The following GNAQ variants were observed in gnomAD, a reference collection of about 807,000 sequenced individuals.
GNAQ encodes the protein guanine nucleotide-binding protein G(q) subunit alpha.
Under a neutral mutation model 43.9 loss-of-function variants are expected in GNAQ, and 8 were observed. That is an observed-to-expected ratio of 0.18 (90% CI 0.11 to 0.33). The LOEUF is 0.33. Among genes scored for constraint, GNAQ ranks in the 10% least tolerant of loss-of-function variants. GNAQ has a pLI of 1.00. For synonymous variants in GNAQ, 155 were observed against 170.7 expected (o/e 0.91, Z 0.71); for missense variants, 158 against 450.8 (o/e 0.35, Z 5.88).
chr9:77,733,050 G>T (rs1825520433), intron 5 of GNAQ, among the ~76,000 whole-genome samples: 1 of 152,180 alleles, frequency 6.6e-6, no homozygotes, highest in Non-Finnish European at 1.5e-5. Flanking sequence ...ACACTGATAG[G>T]TAAGTCATTC....
intron 2 of GNAQ, among the ~76,000 whole-genome samples, chr9:77,908,414 T>C (rs180835758): frequency 1.3e-5 from 2 of 152,316 alleles, no homozygotes; most frequent in African/African-American, 4.8e-5. Flanking sequence ...GCCTCTTGTA[T>C]GTCTTTAAAC....
intron 2 of GNAQ, among the ~76,000 whole-genome samples, chr9:77,826,845 A>G (rs571536175): frequency 6.6e-6 from 1 of 152,346 alleles, no homozygotes; most frequent in East Asian, 1.9e-4. Context: ...TACTTCAGAT[A>G]TGACTCAGGA....
chr9:77,930,754 C>T (rs2118304879), intron 1 of GNAQ, among the ~76,000 whole-genome samples: 1 of 152,108 alleles, frequency 6.6e-6, no homozygotes, highest in Middle Eastern at 3.4e-3. Context: ...TTTTTCATAT[C>T]CTCTAATGTG....
At chr9:77,922,772 A>C (rs1829016940) in intron 1 of GNAQ, among the ~76,000 whole-genome samples, 1 of 152,324 alleles carries the variant, frequency 6.6e-6, no homozygotes, top group South Asian at 2.1e-4. Context: ...GTGTACTTAC[A>C]CAAACGGTAT....
At chr9:77,821,728 T>TGG (rs1564120931) in intron 2 of GNAQ, among the ~76,000 whole-genome samples, 2 of 143,016 alleles carry the variant, frequency 1.4e-5, no homozygotes, top group African/African-American at 5.5e-5. Flanking sequence ...AGTATGGGTG[T>TGG]GTGTGTGTGT....
chr9:77,915,019 A>G (rs1828874476), intron 2 of GNAQ, among the ~76,000 whole-genome samples: 1 of 152,204 alleles, frequency 6.6e-6, no homozygotes, highest in South Asian at 2.1e-4. Context: ...AAGCTTCAAA[A>G]TATAAGAAAA....
At chr9:77,747,311 T>TGAC (rs1825745904) in intron 5 of GNAQ, among the ~76,000 whole-genome samples, 1 of 151,720 alleles carries the variant, frequency 6.6e-6, no homozygotes, top group Non-Finnish European at 1.5e-5. Context: ...TTGCTGGGAG[T>TGAC]GACTCATGGT....
rs370865257 is a variant in GNAQ at position 77,829,414 on chromosome 9, A to G, written c.322-13644T>C. On this transcript the variant is annotated intron_variant, in intron 2 of 6. Coordinates refer to ENST00000286548, the MANE Select transcript of GNAQ (RefSeq NM_002072.5). ...GTGTTAAGCTCATCTTGCAATGAGG[A>G]GCCCAAAACCATACTATGTTCCCTG... Among the ~76,000 whole-genome samples the G allele has an allele frequency of 1.5e-3, 222 of 152,294 alleles. 3 individuals carry two copies. The highest frequency in any genetic ancestry group is 5.1e-3 in the African/African-American group (213 of 41,560).
At chr9:77,776,254 T>C (rs1826304965) in intron 5 of GNAQ, among the ~76,000 whole-genome samples, 1 of 152,140 alleles carries the variant, frequency 6.6e-6, no homozygotes, top group South Asian at 2.1e-4. Flanking sequence ...ACATATTAAA[T>C]GTAAATGAAC....
chr9:77,836,802 A>AT (rs1827394722), intron 2 of GNAQ, among the ~76,000 whole-genome samples: 1 of 152,242 alleles, frequency 6.6e-6, no homozygotes, highest in Admixed American at 6.5e-5. Flanking sequence ...ATTAAATCCT[A>AT]TATCTATACA....
chr9:78,005,946 G>T (rs1823701540), intron 1 of GNAQ, among the ~76,000 whole-genome samples: 1 of 152,204 alleles, frequency 6.6e-6, no homozygotes, highest in African/African-American at 2.4e-5. Context: ...AAGCTTCCAT[G>T]GGTCCTCTCC....
intron 1 of GNAQ, among the ~76,000 whole-genome samples, chr9:77,970,816 T>TA (rs1352158290): frequency 2.0e-5 from 3 of 149,000 alleles, no homozygotes; most frequent in Admixed American, 2.0e-4. Flanking sequence ...GATACAGACA[T>TA]AAAAAACCTT....
intron 5 of GNAQ, among the ~76,000 whole-genome samples, chr9:77,742,124 A>G (rs944636166): frequency 2.0e-5 from 3 of 152,218 alleles, no homozygotes; most frequent in African/African-American, 7.2e-5. Context: ...CAGTGTCACT[A>G]CGTTGACTTA....
At chr9:77,723,696 A>G (rs1455909697) in intron 6 of GNAQ, among the ~76,000 whole-genome samples, 15 of 152,230 alleles carry the variant, frequency 9.9e-5, no homozygotes, top group Admixed American at 9.8e-4. Flanking sequence ...AATAACAAAT[A>G]TTGTATGCTT....
chr9:77,846,036 C>T (rs1358685183), intron 2 of GNAQ, among the ~76,000 whole-genome samples: 2 of 152,164 alleles, frequency 1.3e-5, no homozygotes, highest in Admixed American at 6.5e-5. Context: ...CTTGAGGAAA[C>T]GAGGCACACT....
At chr9:77,738,877 A>G (rs1411883060) in intron 5 of GNAQ, among the ~76,000 whole-genome samples, 1 of 148,834 alleles carries the variant, frequency 6.7e-6, no homozygotes, top group African/African-American at 2.5e-5. Context: ...TAGTCTAAGC[A>G]TTTTTTTTTT....
At chr9:77,826,151 A>G (rs1356515466) in intron 2 of GNAQ, among the ~76,000 whole-genome samples, 1 of 152,198 alleles carries the variant, frequency 6.6e-6, no homozygotes, top group African/African-American at 2.4e-5. Flanking sequence ...GAGAGAGTAC[A>G]TATATTTTTA....
At chr9:77,801,504 T>C (rs1160547285) in intron 3 of GNAQ, among the ~76,000 whole-genome samples, 2 of 152,196 alleles carry the variant, frequency 1.3e-5, no homozygotes, top group African/African-American at 4.8e-5. Flanking sequence ...AAATGGCCAT[T>C]AAAGACGCTT....
chr9:77,857,828 G>GA (rs768988635), intron 2 of GNAQ, among the ~76,000 whole-genome samples: 5 of 149,174 alleles, frequency 3.4e-5, no homozygotes, highest in Non-Finnish European at 7.4e-5. Context: ...TTACCTTAAT[G>GA]AAAAAACAAT....
Sources: allele counts gnomAD v4.1 joint callset (sites outside exome capture counted in the v4.1 genomes callset), GRCh38; gene constraint gnomAD v4.1.1; transcripts MANE v1.5; gene names NCBI Gene and HGNC (gene_info 2026-07-23, HGNC 2026-07-21).